The following NISCH variants were observed in gnomAD, a reference collection of about 807,000 sequenced individuals.
NISCH encodes the protein I-1 receptor candidate protein.
Under a neutral mutation model 138.4 loss-of-function variants are expected in NISCH, and 55 were observed. The observed-to-expected ratio is 0.40, with a 90% CI of 0.32 to 0.50. NISCH has a LOEUF of 0.50. Among genes scored for constraint, NISCH ranks in the 20% least tolerant of loss-of-function variants. The pLI is 0.71. For missense variants in NISCH, 1,643 were observed against 2,005.5 expected (o/e 0.82, Z 3.45); for synonymous variants, 860 against 861.5 (o/e 1.00, Z 0.03).
At chr3:52,484,779 C>G in intron 14 of NISCH, 142 bp downstream of exon 14, 1 of 833,916 alleles carries the variant, frequency 1.2e-6, no homozygotes, top group Non-Finnish European at 1.9e-6. Flanking sequence ...GTGCCACGGT[C>G]TTTCTCTTGG....
At chr3:52,479,446 C>G (rs1367981615) in intron 11 of NISCH, among the ~76,000 whole-genome samples, 2 of 152,142 alleles carry the variant, frequency 1.3e-5, no homozygotes, top group Admixed American at 6.5e-5. Flanking sequence ...CAAGAGCTTG[C>G]TGCCTCCTGT....
chr3:52,487,073 G>T lies in NISCH; in HGVS notation c.1704-123G>T, dbSNP rs1707418633. The T allele has an allele frequency of 3.6e-6, 4 of 1,123,340 alleles. No homozygotes were observed. The highest frequency in any genetic ancestry group is 5.0e-6 in the Non-Finnish European group (4 of 796,782). The allele number at this position is 1,123,340 out of a possible 1,614,324, so 69.6% of individuals were successfully genotyped here. ...GGGAACTGACTTGGCCATGTGGGAG[G>T]CTTGGGAGACCCATGGGTTGGTTTC... is the stretch of plus-strand genomic sequence containing the variant. On this transcript the variant is annotated intron_variant, in intron 15 of 20. Coordinates refer to ENST00000345716, the MANE Select transcript of NISCH (RefSeq NM_007184.4). The surrounding 1 kb of genome is among the most constrained non-coding windows in gnomAD (Gnocchi z 9.1).
chr3:52,460,043 T>C (rs1037300990), intron 3 of NISCH, among the ~76,000 whole-genome samples: 3 of 151,266 alleles, frequency 2.0e-5, no homozygotes, highest in Non-Finnish European at 2.9e-5. Flanking sequence ...TAGCTGGGTA[T>C]GGTGGCAGAT....
chr3:52,458,317 G>A (rs2153230456), intron 2 of NISCH, among the ~76,000 whole-genome samples: 1 of 152,198 alleles, frequency 6.6e-6, no homozygotes, highest in Middle Eastern at 3.4e-3. Context: ...CTTTCTCTGG[G>A]TCATTTGCAG....
intron 6 of NISCH, among the ~76,000 whole-genome samples, chr3:52,472,873 C>G (rs928192452): frequency 6.6e-6 from 1 of 152,338 alleles, no homozygotes; most frequent in African/African-American, 2.4e-5. Context: ...CCAATTTTAG[C>G]ATTTTTGAAA....
intron 3 of NISCH, among the ~76,000 whole-genome samples, chr3:52,461,304 T>A (rs1213951168): frequency 6.6e-6 from 1 of 152,192 alleles, no homozygotes; most frequent in Non-Finnish European, 1.5e-5. Flanking sequence ...TGAACCTTTC[T>A]TGGATCACTA....
intron 14 of NISCH, 39 bp from the exon 15 acceptor site, chr3:52,485,739 G>A: frequency 4.5e-6 from 7 of 1,558,446 alleles, no homozygotes; most frequent in Non-Finnish European, 6.1e-6. Flanking sequence ...GGGGCTGGCT[G>A]CAGTAGGTGG....
Position 52,492,232 on chromosome 3 carries a change from G to C in NISCH, c.4265G>C (p.Gly1422Ala). 1 of 1,613,174 alleles carries C rather than the reference G, an allele frequency of 6.2e-7. No homozygotes were observed. The highest frequency in any genetic ancestry group is 8.5e-7 in the Non-Finnish European group (1 of 1,180,032). ...RVRDLDRVLM[G>A]YQTYPQALTL... ...CGGGACCTGGACCGAGTGCTCATGG[G>C]CTACCAGACCTACCCGCAGGCCCTC... Residue 1422 changes from glycine (G) to alanine (A), a missense_variant, in exon 21 of 21, where the codon GGC becomes GCC. Coordinates refer to ENST00000345716, the MANE Select transcript of NISCH (RefSeq NM_007184.4).
Position 52,457,856 on chromosome 3 carries a change from A to G in NISCH, c.107A>G (p.Gln36Arg). 1 of 1,611,780 alleles carries G rather than the reference A, an allele frequency of 6.2e-7. No homozygotes were observed. The highest frequency in any genetic ancestry group is 8.5e-7 in the Non-Finnish European group (1 of 1,178,108). The part of the protein sequence containing the change: ...LVDTYTVYII[Q>R]VTDGSHEWTV... ...TTCCCCTTTTAGGTTTACATCATCCAGGTCACTGATGGCAGCCATGAGTGG... is the reference window on the plus strand; with the variant it reads ...TTCCCCTTTTAGGTTTACATCATCCGGGTCACTGATGGCAGCCATGAGTGG... The change falls in exon 2 of 21, where the codon CAG (glutamine) becomes CGG (arginine). Residue 36 changes from glutamine (Q) to arginine (R), a missense_variant. Gln to Arg is a conservative substitution (Grantham distance 43, BLOSUM62 1). Coordinates refer to ENST00000345716, the MANE Select transcript of NISCH (RefSeq NM_007184.4).
intron 3 of NISCH, 78 bp downstream of exon 3, chr3:52,458,922 C>T (rs904453529): frequency 3.6e-5 from 48 of 1,342,908 alleles, no homozygotes; most frequent in Non-Finnish European, 6.1e-6. Context: ...CAGGGGAGAC[C>T]TCAGCTTTGA....
In NISCH at chr3:52,491,446, G is replaced by A; in HGVS notation, c.3837G>A (p.Leu1279=). 2 of 1,613,512 alleles carry A rather than the reference G, an allele frequency of 1.2e-6. No homozygotes were observed. Among genetic ancestry groups the A allele is most frequent in the African/African-American group, 1.3e-5 (1 of 75,066 alleles). Residue 1279 remains leucine, a synonymous_variant, in exon 20 of 21, where the codon CTG becomes CTA. Coordinates refer to ENST00000345716, the MANE Select transcript of NISCH (RefSeq NM_007184.4). ...LQHLMVVLSS[L]ERTPSPEPVD... is the part of the protein sequence containing the mutation. Reference sequence around the variant, plus strand: ...ACCTCATGGTCGTGCTGTCCTCTCTGGAACGCACGCCCTCGCCGGAGCCTG... The same window carrying A: ...ACCTCATGGTCGTGCTGTCCTCTCTAGAACGCACGCCCTCGCCGGAGCCTG...
In NISCH at chr3:52,488,079, A is replaced by C; in HGVS notation, c.2587A>C (p.Ser863Arg). The C allele has an allele frequency of 6.2e-7, 1 of 1,612,790 alleles. No individual in the cohort carries two copies. Among genetic ancestry groups the C allele is most frequent in the South Asian group, 1.1e-5 (1 of 91,070 alleles). ...CTGCTTCCCCGTCTACCTGGTCTAC[A>C]GTGACAAGCGCATGGTGCAGACGGC... ...QGCFPVYLVY[S>R]DKRMVQTAAG... The change falls in exon 16 of 21, where the codon AGT (serine) becomes CGT (arginine). Residue 863 changes from serine (S) to arginine (R), a missense_variant. Ser to Arg is a moderately radical substitution (Grantham distance 110). Transcript: ENST00000345716.
At position 52,485,820 on chromosome 3, in the gene NISCH, G is replaced by T; in HGVS notation, c.1696G>T (p.Gly566Cys). 1 of 1,579,006 alleles carries T rather than the reference G, an allele frequency of 6.3e-7. No homozygotes were observed. ...DLRDVPGAVG[G>C]ASPEHAEPEV... ...AAGGGACGTGCCAGGAGCTGTTGGT[G>T]GTGCAAGGTAAGGAAGAGGTTGGAA... The change falls in exon 15 of 21, where the codon GGT becomes TGT. Residue 566 changes from glycine (G) to cysteine (C), a missense_variant. By Grantham distance (159) the Gly-to-Cys change is radical (BLOSUM62 -3). Transcript: ENST00000345716.
In NISCH at chr3:52,455,607, C is replaced by G; in HGVS notation, c.-35C>G. The G allele has an allele frequency of 2.3e-6, 3 of 1,276,612 alleles. No homozygotes were observed. Among genetic ancestry groups the G allele is most frequent in the Non-Finnish European group, 3.0e-6 (3 of 1,004,882 alleles). 79.1% of individuals were successfully genotyped at this position (1,276,612 alleles called of 1,614,324 possible). A position where few individuals can be genotyped will look rare whatever the true frequency, so the allele number is the denominator to read the frequency against. ...GACCCCGCCCCCTGCTGCTGCTAGT[C>G]TGCGCCGGGCGGCGGTGGCGGCGGA... is the stretch of plus-strand genomic sequence containing the variant. On this transcript the variant is annotated 5_prime_UTR_variant, in exon 1 of 21. Coordinates refer to ENST00000345716, the MANE Select transcript of NISCH (RefSeq NM_007184.4).
intron 3 of NISCH, among the ~76,000 whole-genome samples, chr3:52,466,420 C>G (rs1277348288): frequency 2.6e-5 from 4 of 152,042 alleles, no homozygotes; most frequent in Non-Finnish European, 4.4e-5. Context: ...AAAAAATTAG[C>G]CAGGCATGGT....
chr3:52,478,648 G>T (rs1465704980), intron 11 of NISCH, 71 bp downstream of exon 11: 10 of 1,385,504 alleles, frequency 7.2e-6, no homozygotes. Context: ...TGGGCGGTAG[G>T]GGGATATATG....
chr3:52,469,399 T>C (rs972914164), intron 3 of NISCH, among the ~76,000 whole-genome samples: 8 of 152,236 alleles, frequency 5.3e-5, no homozygotes, highest in Admixed American at 5.2e-4. Flanking sequence ...TTTGCTGGTT[T>C]TTAGCCATGT....
intron 6 of NISCH, among the ~76,000 whole-genome samples, chr3:52,472,733 A>G: frequency 6.6e-6 from 1 of 152,212 alleles, no homozygotes; most frequent in East Asian, 1.9e-4. Context: ...TGGGGGTCAG[A>G]CAGAACTAAA....
chr3:52,480,570 A>T, intron 13 of NISCH: 1 of 1,448,062 alleles, frequency 6.9e-7, no homozygotes, highest in Non-Finnish European at 9.0e-7. Context: ...ACAGGCCCTG[A>T]GGCTGCCCTC....
Sources: gnomAD v4.1 joint callset for allele counts (sites outside exome capture counted in the v4.1 genomes callset) on GRCh38, gnomAD v4.1.1 for gene constraint, Gnocchi (gnomAD v3.1) non-coding constraint, MANE v1.5 for transcripts, NCBI Gene and HGNC (gene_info 2026-07-23, HGNC 2026-07-21) for gene names.